Variants in PTPRK observed in about 807,000 individuals in gnomAD.
PTPRK encodes the protein protein tyrosine phosphatase receptor type K, also known as receptor-type tyrosine-protein phosphatase kappa.
A neutral mutation model predicts 178.0 loss-of-function variants in PTPRK; 75 were observed. The ratio of observed to expected loss-of-function variants is 0.42; its 90% CI spans 0.35 to 0.51. The LOEUF (loss-of-function observed/expected upper bound fraction) is 0.51, where lower values mean the gene tolerates loss of function less well. Ranked by LOEUF, PTPRK falls within the 20% of genes least tolerant of loss-of-function variation. The pLI is 0.02. For missense variants in PTPRK, 1,441 were observed against 1,797.8 expected (o/e 0.80, Z 3.59); for synonymous variants, 637 against 620.6 (o/e 1.03, Z -0.39).
chr6:128,054,386 A>G (rs778586782), intron 13 of PTPRK, among the ~76,000 whole-genome samples: 40 of 152,360 alleles, frequency 2.6e-4, no homozygotes, highest in Non-Finnish European at 4.7e-4. Flanking sequence ...AATTATAAGT[A>G]TGTATTAAAA....
At chr6:128,189,386 C>A (rs1384633171) in intron 6 of PTPRK, among the ~76,000 whole-genome samples, 3 of 151,486 alleles carry the variant, frequency 2.0e-5, no homozygotes, top group African/African-American at 7.3e-5. Flanking sequence ...ACTACAGGTG[C>A]ATGCCACCAC....
At chr6:128,088,755 A>G (rs1255109523) in intron 8 of PTPRK, among the ~76,000 whole-genome samples, 1 of 152,168 alleles carries the variant, frequency 6.6e-6, no homozygotes, top group Non-Finnish European at 1.5e-5. Context: ...ATTTGTTCAT[A>G]TTATTTATCA....
intron 7 of PTPRK, among the ~76,000 whole-genome samples, chr6:128,103,870 C>T (rs995609861): frequency 6.6e-6 from 1 of 152,194 alleles, no homozygotes; most frequent in African/African-American, 2.4e-5. Flanking sequence ...CCCCCAGTGA[C>T]TTCCCATCTG....
chr6:128,303,726 T>A (rs1310355481), intron 3 of PTPRK, among the ~76,000 whole-genome samples: 1 of 152,236 alleles, frequency 6.6e-6, no homozygotes, highest in African/African-American at 2.4e-5. Flanking sequence ...GTTGCTTAAC[T>A]TTATTCCATT....
intron 11 of PTPRK, among the ~76,000 whole-genome samples, chr6:128,071,153 T>C (rs769696680): frequency 2.1e-4 from 32 of 151,562 alleles, no homozygotes; most frequent in African/African-American, 7.7e-4. Context: ...GGACCTTATA[T>C]TCACTTTTAT....
chr6:128,017,875 G>A (rs1294165380), intron 13 of PTPRK, among the ~76,000 whole-genome samples: 1 of 140,730 alleles, frequency 7.1e-6, no homozygotes, highest in South Asian at 2.3e-4. Context: ...ACCAGCCACT[G>A]TAAGTCCAGC....
chr6:128,114,907 T>G (rs1230907679), intron 7 of PTPRK, among the ~76,000 whole-genome samples: 3 of 152,026 alleles, frequency 2.0e-5, no homozygotes, highest in Non-Finnish European at 4.4e-5. Context: ...CAACTTGTGC[T>G]ATATATGTAA....
chr6:128,192,735 G>A (rs942231422), intron 6 of PTPRK, among the ~76,000 whole-genome samples: 4 of 151,744 alleles, frequency 2.6e-5, no homozygotes, highest in Admixed American at 2.6e-4. Context: ...AAGATCACCT[G>A]AGCCTGGGAA....
At chr6:127,982,019 T>C (rs1775402397) in intron 24 of PTPRK, among the ~76,000 whole-genome samples, 1 of 151,970 alleles carries the variant, frequency 6.6e-6, no homozygotes, top group Non-Finnish European at 1.5e-5. Flanking sequence ...TTTATATTTT[T>C]TGTAGAGATG....
At chr6:128,296,009 T>C (rs1824291221) in intron 3 of PTPRK, among the ~76,000 whole-genome samples, 1 of 152,066 alleles carries the variant, frequency 6.6e-6, no homozygotes, top group Non-Finnish European at 1.5e-5. Flanking sequence ...TCCTAGCAAG[T>C]TTCTCTACTC....
intron 19 of PTPRK, 78 bp downstream of exon 19, chr6:127,992,595 A>T: frequency 7.9e-7 from 1 of 1,269,136 alleles, no homozygotes; most frequent in Non-Finnish European, 1.1e-6. Context: ...GATAAAATTT[A>T]AAAAATAATA....
intron 7 of PTPRK, among the ~76,000 whole-genome samples, chr6:128,133,026 A>C (rs375746644): frequency 5.9e-5 from 9 of 152,166 alleles, no homozygotes; most frequent in African/African-American, 1.7e-4. Flanking sequence ...TCTAACAAAA[A>C]CTCATTAGTC....
chr6:128,263,092 A>G (rs994170005), intron 3 of PTPRK, among the ~76,000 whole-genome samples: 5 of 152,050 alleles, frequency 3.3e-5, no homozygotes, highest in Admixed American at 1.3e-4. Context: ...TGCTCACCCC[A>G]CAGGAACGCT....
chr6:128,194,307 C>T (rs538417701), intron 6 of PTPRK, among the ~76,000 whole-genome samples: 6 of 151,912 alleles, frequency 3.9e-5, no homozygotes, highest in South Asian at 2.1e-4. Context: ...AGGATGGTCT[C>T]GATCTCCTGA....
At chr6:128,135,205 G>A (rs142101705) in intron 7 of PTPRK, among the ~76,000 whole-genome samples, 2 of 152,040 alleles carry the variant, frequency 1.3e-5, no homozygotes, top group Non-Finnish European at 2.9e-5. Context: ...GATAAGGCAA[G>A]GTCTAACCAT....
intron 7 of PTPRK, among the ~76,000 whole-genome samples, chr6:128,175,078 T>C (rs1351276455): frequency 6.6e-6 from 1 of 151,836 alleles, no homozygotes; most frequent in African/African-American, 2.4e-5. Flanking sequence ...TCTTAGAATA[T>C]CCAGTAATTT....
intron 29 of PTPRK, among the ~76,000 whole-genome samples, chr6:127,971,366 G>T (rs188473229): frequency 6.6e-6 from 1 of 152,180 alleles, no homozygotes; most frequent in Non-Finnish European, 1.5e-5. Flanking sequence ...AGTTCGAGGT[G>T]TCTCCAGCAA....
rs564897378 is a variant in PTPRK, at chr6:128,084,501, T to G, written c.1466-677A>C. Among the ~76,000 whole-genome samples, 8 of 152,290 alleles carry G rather than the reference T, an allele frequency of 5.3e-5. No individual in the cohort carries two copies. The East Asian group carries it at 1.5e-3, about 29-fold the overall frequency. ...TATTCAAAGGTAAGAATCAAACTAG[T>G]TTATAATGTCAGACTTGTTTAGAAC... is the stretch of plus-strand genomic sequence containing the variant. On this transcript the variant is annotated intron_variant, in intron 8 of 29. Coordinates refer to ENST00000368226, the MANE Select transcript of PTPRK (RefSeq NM_002844.4).
At chr6:128,260,971 T>G (rs1818089076) in intron 3 of PTPRK, among the ~76,000 whole-genome samples, 1 of 152,184 alleles carries the variant, frequency 6.6e-6, no homozygotes, top group South Asian at 2.1e-4. Flanking sequence ...TTCCATCTCT[T>G]TTTATGTATA....
Sources: allele counts gnomAD v4.1 joint callset (sites outside exome capture counted in the v4.1 genomes callset), GRCh38; gene constraint gnomAD v4.1.1; transcripts MANE v1.5; gene names NCBI Gene and HGNC (gene_info 2026-07-23, HGNC 2026-07-21).